NFIC: variants seen among roughly 807,000 people sequenced by gnomAD.
NFIC encodes the protein nuclear factor I C.
NFIC carries 12 observed loss-of-function variants against 54.4 expected under a neutral mutation model. The ratio of observed to expected loss-of-function variants is 0.22; its 90% confidence interval spans 0.14 to 0.36. NFIC has a LOEUF of 0.36. Ranked by LOEUF, NFIC falls within the 10% of genes least tolerant of loss-of-function variation. The pLI, the probability that NFIC is intolerant of heterozygous loss-of-function variation, is 1.00. For synonymous variants in NFIC, 322 were observed against 319.2 expected, an observed-to-expected ratio of 1.01 and a Z score of -0.09; for missense variants, 575 against 718.2, an observed-to-expected ratio of 0.80 and a Z score of 2.28.
At chr19:3,399,017 C>T (rs901154063) in intron 2 of NFIC, among the ~76,000 whole-genome samples, 4 of 152,386 alleles carry the variant, frequency 2.6e-5, no homozygotes, top group East Asian at 1.9e-4. Context: ...CGGAGGACCA[C>T]GCCCAGTGCT....
chr19:3,360,060 G>A (rs1309364229), intron 1 of NFIC, among the ~76,000 whole-genome samples: 2 of 148,368 alleles, frequency 1.3e-5, no homozygotes, highest in Admixed American at 6.7e-5. Context: ...CACGACCCCC[G>A]AGCGCGCAGT....
chr19:3,359,954 G>A (rs1415886999), intron 1 of NFIC, among the ~76,000 whole-genome samples: 6 of 150,480 alleles, frequency 4.0e-5, no homozygotes, highest in African/African-American at 1.5e-4. Flanking sequence ...TTGGCGAGGA[G>A]GGCGGGGCTC....
chr19:3,389,602 G>C (rs933540981), intron 2 of NFIC, among the ~76,000 whole-genome samples: 3 of 152,142 alleles, frequency 2.0e-5, no homozygotes, highest in Non-Finnish European at 4.4e-5. Flanking sequence ...TTTTGCCTCT[G>C]TAGAATGGGG....
At chr19:3,408,957 C>T (rs377534118) in intron 2 of NFIC, among the ~76,000 whole-genome samples, 2 of 152,098 alleles carry the variant, frequency 1.3e-5, no homozygotes, top group East Asian at 3.8e-4. Flanking sequence ...GTCTCGAACT[C>T]CTTGCCTCAA....
upstream of NFIC, among the ~76,000 whole-genome samples, chr19:3,363,194 G>A (rs867163303): frequency 7.5e-5 from 11 of 147,334 alleles, no homozygotes; most frequent in South Asian, 1.1e-3. Context: ...GGAAATACTC[G>A]TGTATTTCCA....
In NFIC at chr19:3,458,826, C is replaced by A. The variant is rs2082598121; in HGVS notation, c.1509+2191C>A. On this transcript the variant is annotated intron_variant, in intron 10 of 10. Transcript: ENST00000443272. The surrounding 1 kb of genome is among the most constrained non-coding windows in gnomAD (Gnocchi z 4.1). Reference sequence around the variant, plus strand: ...CACCAGGCCTGGGAGTCAGAACTTTCTGGAGCACAGAAAGGAGGTGACACA... The same window carrying A: ...CACCAGGCCTGGGAGTCAGAACTTTATGGAGCACAGAAAGGAGGTGACACA... Among the ~76,000 whole-genome samples the A allele has an allele frequency of 6.6e-6, 1 of 152,058 alleles. No homozygotes were observed. Among genetic ancestry groups the A allele is most frequent in the African/African-American group, 2.4e-5 (1 of 41,374 alleles).
intron 1 of NFIC, among the ~76,000 whole-genome samples, chr19:3,379,673 C>CTTTTTTTTTTTTTTTTTTTTTTT (rs370082450): frequency 2.9e-5 from 3 of 102,538 alleles, no homozygotes; most frequent in African/African-American, 9.3e-5. Flanking sequence ...TTATTTCTTT[C>CTTTTTTTTTTTTTTTTTTTTTTT]TTTTTTTTTT....
chr19:3,463,725 C>G lies in NFIC; in HGVS notation c.*956C>G, dbSNP rs1030281793. On this transcript the variant is annotated 3_prime_UTR_variant, in exon 11 of 11. Coordinates refer to ENST00000443272, the MANE Select transcript of NFIC (RefSeq NM_001245002.2). ...GCACACACTGTAAGAAATGCACTTT[C>G]CGAGGAAGGGGATGGGGGAGCCCGG... is the stretch of plus-strand genomic sequence containing the variant. The G allele has an allele frequency of 9.2e-6, 9 of 982,848 alleles. No homozygotes were observed. The Admixed American group carries it at 5.7e-4, about 62-fold the overall frequency. The allele number at this position is 982,848 out of a possible 1,614,324, so 60.9% of individuals were successfully genotyped here.
intron 2 of NFIC, among the ~76,000 whole-genome samples, chr19:3,400,436 C>T (rs1052062408): frequency 2.0e-5 from 3 of 151,974 alleles, no homozygotes; most frequent in Non-Finnish European, 4.4e-5. Flanking sequence ...GAGATCACGC[C>T]ACTGCACTCC....
intron 2 of NFIC, among the ~76,000 whole-genome samples, chr19:3,406,067 T>G (rs1212260181): frequency 6.6e-6 from 1 of 151,922 alleles, no homozygotes; most frequent in Non-Finnish European, 1.5e-5. Context: ...ACCACAGGCA[T>G]GTACCACCAT....
rs1035736203 is a variant in NFIC at position 3,452,958 on chromosome 19, G to A, written c.1269+292G>A. Among the ~76,000 whole-genome samples, 1 of 152,244 alleles carries A rather than the reference G, an allele frequency of 6.6e-6. No individual in the cohort carries two copies. Among genetic ancestry groups the A allele is most frequent in the African/African-American group, 2.4e-5 (1 of 41,468 alleles). ...TGTTAACACAAGGCAGGGAGGGACT[G>A]GGCATAGCGGCTCATGCCTGTGATC... On this transcript the variant is annotated intron_variant, in intron 8 of 10. Transcript: ENST00000443272. The surrounding 1 kb of genome is among the most constrained non-coding windows in gnomAD (Gnocchi z 5.3).
chr19:3,444,556 C>T (rs1297685930), intron 6 of NFIC, among the ~76,000 whole-genome samples: 1 of 152,190 alleles, frequency 6.6e-6, no homozygotes, highest in African/African-American at 2.4e-5. Flanking sequence ...AGCGTGCCGG[C>T]TTATTCTTTC....
intron 1 of NFIC, among the ~76,000 whole-genome samples, chr19:3,381,356 C>T (rs547498302): frequency 2.3e-3 from 335 of 147,664 alleles, no homozygotes; most frequent in African/African-American, 7.9e-3. Context: ...GATTGCGCCA[C>T]TGCACTCCAG....
At chr19:3,366,417 G>C (rs949413427), upstream of NFIC, 6 of 483,800 alleles carry the variant, frequency 1.2e-5, no homozygotes, top group African/African-American at 2.1e-5. Context: ...GAGGAAGAGA[G>C]AGACGGAGGG....
chr19:3,421,715 C>T lies in NFIC; in HGVS notation c.563-3391C>T, dbSNP rs148909518. ...CATTAGCACGGCGCCAGGCTAACTC[C>T]AGAGGCTCCGTGCGCTAGGAAATAT... On this transcript the variant is annotated intron_variant, in intron 2 of 10. Coordinates refer to ENST00000443272, the MANE Select transcript of NFIC (RefSeq NM_001245002.2). Among the ~76,000 whole-genome samples the T allele has an allele frequency of 3.9e-5, 6 of 152,330 alleles. No individual in the cohort carries two copies. In the East Asian group the frequency reaches 9.6e-4, roughly 24 times the overall value.
intron 2 of NFIC, among the ~76,000 whole-genome samples, chr19:3,397,602 A>C (rs2081484947): frequency 1.3e-5 from 2 of 151,430 alleles, no homozygotes. Context: ...TTCCCACCCC[A>C]CCTCGCTCTC....
chr19:3,423,189 C>A (rs752641189), intron 2 of NFIC, among the ~76,000 whole-genome samples: 13 of 151,906 alleles, frequency 8.6e-5, no homozygotes, highest in Non-Finnish European at 1.3e-4. Flanking sequence ...CAGAGTGAGA[C>A]CCTGTCTCAA....
chr19:3,362,235 A>G (rs950244631), upstream of NFIC, among the ~76,000 whole-genome samples: 13 of 151,108 alleles, frequency 8.6e-5, no homozygotes, highest in Admixed American at 2.0e-4. Flanking sequence ...GTGTGCTTGT[A>G]AGAGTGTGTG....
chr19:3,438,281 G>C (rs34882718), intron 6 of NFIC, among the ~76,000 whole-genome samples: 28,393 of 148,462 alleles, frequency 0.19, 3,951 homozygotes, highest in East Asian at 0.63. Flanking sequence ...GTAGCAATGG[G>C]GGGAGGACAA....
Sources: gnomAD v4.1 joint callset for allele counts (sites outside exome capture counted in the v4.1 genomes callset) on GRCh38, gnomAD v4.1.1 for gene constraint, Gnocchi (gnomAD v3.1) non-coding constraint, MANE v1.5 for transcripts, NCBI Gene and HGNC (gene_info 2026-07-23, HGNC 2026-07-21) for gene names.